Variants in BMPR2 observed in about 807,000 individuals in gnomAD.
The protein encoded by BMPR2 is bone morphogenetic protein receptor type 2.
Under a neutral mutation model 100.8 loss-of-function variants are expected in BMPR2, and 29 were observed. The ratio of observed to expected loss-of-function variants is 0.29; its 90% CI spans 0.21 to 0.39. The LOEUF is 0.39. BMPR2 is among the 10% of genes least tolerant of loss of function. BMPR2 has a pLI of 1.00. For missense variants in BMPR2, 1,011 were observed against 1,274.5 expected (o/e 0.79, Z 3.15); for synonymous variants, 382 against 442.3 (o/e 0.86, Z 1.71).
At chr2:202,415,668 A>G (rs1195798408) in intron 1 of BMPR2, among the ~76,000 whole-genome samples, 1 of 152,216 alleles carries the variant, frequency 6.6e-6, no homozygotes, top group Admixed American at 6.5e-5. Context: ...CCTGTGCTCT[A>G]TGAATGGAAC....
intron 1 of BMPR2, among the ~76,000 whole-genome samples, chr2:202,402,559 G>C (rs1043776717): frequency 1.3e-5 from 2 of 151,728 alleles, no homozygotes; most frequent in Non-Finnish European, 2.9e-5. Flanking sequence ...ATTAATTTAA[G>C]CCTTGAATGC....
intron 1 of BMPR2, among the ~76,000 whole-genome samples, chr2:202,463,552 C>A (rs1303548433): frequency 1.3e-5 from 2 of 152,058 alleles, no homozygotes; most frequent in Admixed American, 6.6e-5. Context: ...TCAGAAGCCC[C>A]CAAGGAATAT....
chr2:202,500,528 C>CA (rs1461440845), intron 3 of BMPR2, among the ~76,000 whole-genome samples: 3 of 152,144 alleles, frequency 2.0e-5, no homozygotes, highest in Non-Finnish European at 4.4e-5. Context: ...CCGCCCAGTC[C>CA]AAATCAGGTT....
chr2:202,409,957 C>A (rs1354281459), intron 1 of BMPR2, among the ~76,000 whole-genome samples: 1 of 152,092 alleles, frequency 6.6e-6, no homozygotes, highest in Non-Finnish European at 1.5e-5. Context: ...GTAGCAGTGA[C>A]CACAATAGTG....
intron 1 of BMPR2, among the ~76,000 whole-genome samples, chr2:202,380,430 T>C (rs1690257355): frequency 6.6e-6 from 1 of 152,086 alleles, no homozygotes; most frequent in African/African-American, 2.4e-5. Context: ...AGTTTAGTAA[T>C]CTTCATTTTA....
At chr2:202,483,442 T>A (rs1692702333) in intron 3 of BMPR2, among the ~76,000 whole-genome samples, 1 of 151,534 alleles carries the variant, frequency 6.6e-6, no homozygotes, top group Admixed American at 6.6e-5. Flanking sequence ...AGTGCAATGG[T>A]GTCATCTCAG....
intron 1 of BMPR2, among the ~76,000 whole-genome samples, chr2:202,425,214 G>A (rs918599925): frequency 5.3e-5 from 8 of 152,068 alleles, no homozygotes; most frequent in Admixed American, 4.6e-4. Context: ...ATGCCCAGCC[G>A]AGCAAGTAAT....
rs375162848 is a variant in BMPR2, at chr2:202,511,220, CTGAG to C, written c.419-2497_419-2494del. On this transcript the variant is annotated intron_variant, in intron 3 of 12. Coordinates refer to ENST00000374580, the MANE Select transcript of BMPR2 (RefSeq NM_001204.7). ...TTTCTGTCTATGAATTTGGCCTATTCTGAGTATTTCATTTCAATGGAATCATAGA... is the reference window on the plus strand; with the variant it reads ...TTTCTGTCTATGAATTTGGCCTATTCTATTTCATTTCAATGGAATCATAGA... Among the ~76,000 whole-genome samples, 861 of 152,264 alleles carry C rather than the reference CTGAG, an allele frequency of 5.7e-3. 5 individuals carry two copies. Among genetic ancestry groups the C allele is most frequent in the Middle Eastern group, 0.01 (3 of 294 alleles).
chr2:202,453,805 TAAC>T (rs936136598), intron 1 of BMPR2, among the ~76,000 whole-genome samples: 11 of 152,180 alleles, frequency 7.2e-5, no homozygotes, highest in Non-Finnish European at 1.6e-4. Context: ...ACATTAAAAA[TAAC>T]TAATAGAGTA....
intron 1 of BMPR2, among the ~76,000 whole-genome samples, chr2:202,396,480 T>G (rs1690658180): frequency 6.6e-6 from 1 of 152,186 alleles, no homozygotes; most frequent in Admixed American, 6.6e-5. Flanking sequence ...TGTTTAGGGT[T>G]GCATTTACCA....
rs1490285439 is a variant in BMPR2, at chr2:202,534,686, T to C, written c.1276+1954T>C. On this transcript the variant is annotated intron_variant, in intron 9 of 12. Transcript: ENST00000374580. ...TTTCTACACAGACACGGCAACCATC[T>C]GATTTCTCAATCTTTTCCCCACCTT... Among the ~76,000 whole-genome samples, 7 of 152,140 alleles carry C rather than the reference T, an allele frequency of 4.6e-5. No individual in the cohort carries two copies. The South Asian group carries it at 8.3e-4, about 18-fold the overall frequency.
chr2:202,383,665 A>G (rs1314168409), intron 1 of BMPR2, among the ~76,000 whole-genome samples: 20 of 144,822 alleles, frequency 1.4e-4, no homozygotes, highest in Non-Finnish European at 2.7e-4. Context: ...CAAGAGCGAA[A>G]CTCTGTCAAA....
At chr2:202,380,013 A>G (rs1264974210) in intron 1 of BMPR2, among the ~76,000 whole-genome samples, 1 of 152,058 alleles carries the variant, frequency 6.6e-6, no homozygotes, top group Non-Finnish European at 1.5e-5. Context: ...GCCCACCACC[A>G]TGCCCAGCTA....
At chr2:202,508,030 A>G (rs901008560) in intron 3 of BMPR2, among the ~76,000 whole-genome samples, 1 of 150,454 alleles carries the variant, frequency 6.6e-6, no homozygotes, top group Non-Finnish European at 1.5e-5. Flanking sequence ...ATGTGATATG[A>G]TAAGTCATTT....
chr2:202,416,290 A>G (rs1691123339), intron 1 of BMPR2, among the ~76,000 whole-genome samples: 1 of 151,892 alleles, frequency 6.6e-6, no homozygotes, highest in Non-Finnish European at 1.5e-5. Flanking sequence ...TTTTTCAGAA[A>G]GGGTCTCACT....
At chr2:202,518,760 T>G (rs1276799240) in intron 5 of BMPR2, 62 bp from the exon 6 acceptor site, 1 of 1,285,162 alleles carries the variant, frequency 7.8e-7, no homozygotes, top group Non-Finnish European at 1.1e-6. Context: ...TACTTTATTA[T>G]TTAGTAAATT....
At chr2:202,421,002 C>T (rs1043038578) in intron 1 of BMPR2, among the ~76,000 whole-genome samples, 2 of 151,500 alleles carry the variant, frequency 1.3e-5, no homozygotes, top group Admixed American at 6.6e-5. Context: ...GTAATCCCAG[C>T]ACTTTGGGAG....
chr2:202,499,028 A>G (rs1165346399), intron 3 of BMPR2, among the ~76,000 whole-genome samples: 1 of 150,728 alleles, frequency 6.6e-6, no homozygotes, highest in African/African-American at 2.4e-5. Context: ...CCCTGCCCAG[A>G]AGGAAATAAG....
chr2:202,530,755 C>A (rs1688007965), intron 7 of BMPR2, 39 bp from the exon 8 acceptor site: 1 of 1,535,738 alleles, frequency 6.5e-7, no homozygotes, highest in South Asian at 1.2e-5. Flanking sequence ...TCAATAGTCC[C>A]TTTTATTCAT....
Sources: gnomAD v4.1 joint callset for allele counts (sites outside exome capture counted in the v4.1 genomes callset) on GRCh38, gnomAD v4.1.1 for gene constraint, MANE v1.5 for transcripts, NCBI Gene and HGNC (gene_info 2026-07-23, HGNC 2026-07-21) for gene names.